Variants in CELF2 observed in about 807,000 individuals in gnomAD.
CELF2 encodes CUG triplet repeat RNA-binding protein 2.
A neutral mutation model predicts 62.6 loss-of-function variants in CELF2; 8 were observed. That is an observed-to-expected ratio of 0.13 (90% CI 0.07 to 0.23). CELF2 has a LOEUF of 0.23. CELF2 is among the 10% of genes least tolerant of loss of function. CELF2 has a pLI of 1.00. For synonymous variants in CELF2, 258 were observed against 250.0 expected, an observed-to-expected ratio of 1.03 and a Z score of -0.30; for missense variants, 333 against 671.0, an observed-to-expected ratio of 0.50 and a Z score of 5.56.
chr10:10,595,033 T>C, the CELF2 span, among the ~76,000 whole-genome samples: 1 of 152,224 alleles, frequency 6.6e-6, no homozygotes, highest in East Asian at 1.9e-4. Context: ...AACATAAACG[T>C]AGCTGCAACC....
intron 1 of CELF2, among the ~76,000 whole-genome samples, chr10:11,029,178 T>C (rs2059726883): frequency 6.6e-6 from 1 of 152,190 alleles, no homozygotes; most frequent in Non-Finnish European, 1.5e-5. Flanking sequence ...TTTTGCCTTA[T>C]GTGGTGGTGT....
At chr10:10,941,224 A>G (rs886469353) in intron 2 of CELF2, among the ~76,000 whole-genome samples, 1 of 152,206 alleles carries the variant, frequency 6.6e-6, no homozygotes, top group East Asian at 1.9e-4. Flanking sequence ...GAGTGAAGAA[A>G]TGTGCTACGG....
At chr10:10,753,299 CTG>C in the CELF2 span, among the ~76,000 whole-genome samples, 23,328 of 149,780 alleles carry the variant, frequency 0.16, 2,098 homozygotes, top group East Asian at 0.22. Context: ...TTCCAAAGCT[CTG>C]TGTGTGTGTG....
intron 1 of CELF2, among the ~76,000 whole-genome samples, chr10:10,902,896 G>T (rs1246951614): frequency 3.0e-5 from 4 of 132,978 alleles, no homozygotes; most frequent in African/African-American, 1.1e-4. Context: ...AGAGAGGGAA[G>T]AAGGGAGGGA....
At chr10:10,531,740 A>G in the CELF2 span, among the ~76,000 whole-genome samples, 145 of 152,296 alleles carry the variant, frequency 9.5e-4, no homozygotes, top group African/African-American at 3.4e-3. Context: ...ATAAATTTTG[A>G]ATCAGAATTA....
the CELF2 span, among the ~76,000 whole-genome samples, chr10:10,558,827 G>A: frequency 2.6e-5 from 4 of 152,052 alleles, no homozygotes; most frequent in African/African-American, 9.7e-5. Context: ...TTGCCTAGAG[G>A]GGTTTATAGT....
the CELF2 span, among the ~76,000 whole-genome samples, chr10:10,649,452 TG>T: frequency 6.6e-6 from 1 of 151,998 alleles, no homozygotes; most frequent in South Asian, 2.1e-4. Flanking sequence ...CTGTTTCCTC[TG>T]GGGGGAAAAA....
chr10:11,243,675 G>GAAA lies in CELF2; in HGVS notation c.355-5477_355-5476insAAA. On this transcript the variant is annotated intron_variant, in intron 3 of 12. Transcript: ENST00000633077. The surrounding 1 kb of genome is among the most constrained non-coding windows in gnomAD (Gnocchi z 4.1). ...TCAGGAAAACCACTCTGTAAAGTCAGAGGCTGGTGTTTGTAAAATTCTTAG... is the reference window on the plus strand; with the variant it reads ...TCAGGAAAACCACTCTGTAAAGTCAGAAAAGGCTGGTGTTTGTAAAATTCTTAG... 1.3e-5 allele frequency among the ~76,000 whole-genome samples: 2 copies of GAAA among 152,236 alleles called. No homozygotes were observed. The highest frequency in any genetic ancestry group is 2.9e-5 in the Non-Finnish European group (2 of 68,042).
the CELF2 span, among the ~76,000 whole-genome samples, chr10:10,544,045 A>G: frequency 2.0e-5 from 3 of 152,238 alleles, no homozygotes; most frequent in East Asian, 1.9e-4. Context: ...AACTGAAGGC[A>G]TATGTTCTAA....
At chr10:11,187,832 C>T (rs1257422895) in intron 2 of CELF2, among the ~76,000 whole-genome samples, 1 of 152,164 alleles carries the variant, frequency 6.6e-6, no homozygotes, top group Admixed American at 6.5e-5. Context: ...ATCCACAATA[C>T]CTTGTTACAA....
the CELF2 span, among the ~76,000 whole-genome samples, chr10:10,680,429 G>T: frequency 2.6e-5 from 4 of 152,208 alleles, no homozygotes; most frequent in African/African-American, 9.6e-5. Context: ...ATCCAGGACA[G>T]TTCCAAGAGC....
chr10:10,996,209 G>A (rs750571509), intron 2 of CELF2, among the ~76,000 whole-genome samples: 38 of 152,314 alleles, frequency 2.5e-4, no homozygotes, highest in Non-Finnish European at 5.0e-4. Context: ...CCTGCTGGAA[G>A]CATAAGAGCT....
At position 11,227,015 on chromosome 10, in the gene CELF2, G is replaced by A. The variant is rs1023907289; in HGVS notation, c.354+9508G>A. ...GCTCCGTCCAACTGTCCTCGCCATTGCTCTGCTTCCGTGTTCCACAGACAG... is the reference window on the plus strand; with the variant it reads ...GCTCCGTCCAACTGTCCTCGCCATTACTCTGCTTCCGTGTTCCACAGACAG... On this transcript the variant is annotated intron_variant, in intron 3 of 12. Coordinates refer to ENST00000633077, the MANE Select transcript of CELF2 (RefSeq NM_001326342.2). The surrounding 1 kb of genome is among the most constrained non-coding windows in gnomAD (Gnocchi z 4.8). 6.6e-6 allele frequency among the ~76,000 whole-genome samples: 1 copy of A among 152,160 alleles called. No homozygotes were observed. The highest frequency in any genetic ancestry group is 1.9e-4 in the East Asian group (1 of 5,198).
At chr10:10,948,097 C>T (rs1428744698) in intron 2 of CELF2, among the ~76,000 whole-genome samples, 1 of 152,160 alleles carries the variant, frequency 6.6e-6, no homozygotes, top group African/African-American at 2.4e-5. Flanking sequence ...CTCATCAGAT[C>T]ATACAGCTGG....
At chr10:10,845,415 T>C (rs921521440) in intron 1 of CELF2, among the ~76,000 whole-genome samples, 1 of 150,290 alleles carries the variant, frequency 6.7e-6, no homozygotes, top group Non-Finnish European at 1.5e-5. Context: ...CCTTAAACTT[T>C]ACAATGAAAC....
chr10:10,856,967 G>A (rs940325336), intron 1 of CELF2, among the ~76,000 whole-genome samples: 1 of 152,142 alleles, frequency 6.6e-6, no homozygotes, highest in Admixed American at 6.6e-5. Flanking sequence ...CAACAAGGAA[G>A]CGTAGAATTC....
At chr10:10,603,452 G>A in the CELF2 span, among the ~76,000 whole-genome samples, 1 of 152,164 alleles carries the variant, frequency 6.6e-6, no homozygotes. Flanking sequence ...GGCTCAAATT[G>A]CTTTTACCTT....
chr10:10,612,531 A>G, the CELF2 span, among the ~76,000 whole-genome samples: 4 of 152,178 alleles, frequency 2.6e-5, no homozygotes, highest in African/African-American at 9.7e-5. Flanking sequence ...TTCTGTATGG[A>G]GGGAATAATA....
chr10:10,680,246 C>G, the CELF2 span, among the ~76,000 whole-genome samples: 2 of 152,200 alleles, frequency 1.3e-5, no homozygotes, highest in Non-Finnish European at 2.9e-5. Context: ...CAAGACCACC[C>G]CCACTTCTGA....
Sources: allele counts gnomAD v4.1 joint callset (sites outside exome capture counted in the v4.1 genomes callset), GRCh38; gene constraint gnomAD v4.1.1; non-coding constraint Gnocchi (gnomAD v3.1); transcripts MANE v1.5; gene names NCBI Gene and HGNC (gene_info 2026-07-23, HGNC 2026-07-21).